The following LARGE1 variants were observed in gnomAD, a reference collection of about 807,000 sequenced individuals.
The protein encoded by LARGE1 is LARGE xylosyl- and glucuronyltransferase 1.
A neutral mutation model predicts 87.6 loss-of-function variants in LARGE1; 43 were observed. The ratio of observed to expected loss-of-function variants is 0.49; its 90% CI spans 0.38 to 0.63. The LOEUF (loss-of-function observed/expected upper bound fraction) is 0.63, where lower values mean the gene tolerates loss of function less well. Ranked by LOEUF, LARGE1 falls within the 30% of genes least tolerant of loss-of-function variation. LARGE1 has a pLI of 0.00. For missense variants in LARGE1, 802 were observed against 1,000.2 expected, an observed-to-expected ratio of 0.80 and a Z score of 2.67; for synonymous variants, 434 against 394.6, an observed-to-expected ratio of 1.10 and a Z score of -1.18.
At chr22:33,284,503 C>A (rs926304616) in intron 12 of LARGE1, among the ~76,000 whole-genome samples, 5 of 152,034 alleles carry the variant, frequency 3.3e-5, no homozygotes, top group Non-Finnish European at 5.9e-5. Flanking sequence ...TTTCTCAGCT[C>A]TGTGGTGGTT....
At chr22:33,842,249 C>T (rs903356045) in intron 1 of LARGE1, among the ~76,000 whole-genome samples, 2 of 152,058 alleles carry the variant, frequency 1.3e-5, no homozygotes, top group Admixed American at 1.3e-4. Context: ...GTTGCTCTGG[C>T]GATTCGCAAC....
In LARGE1 at chr22:33,650,359, C is replaced by T. The variant is rs141818070; in HGVS notation, c.408+8G>A. Reference sequence around the variant, plus strand: ...CAACTTCCTCCCCAGGCTCCAGATGCCCTTTACCTCGCATTTCTCCACGAC... The same window carrying T: ...CAACTTCCTCCCCAGGCTCCAGATGTCCTTTACCTCGCATTTCTCCACGAC... On this transcript the variant is annotated splice_region_variant and intron_variant, in intron 3 of 14. Transcript: ENST00000397394. 1.9e-4 allele frequency: 305 copies of T among 1,613,976 alleles called. No individual in the cohort carries two copies. The African/African-American group carries it at 3.6e-3, about 19-fold the overall frequency.
chr22:33,184,872 T>C (rs185602031), intron 11 of LARGE1, among the ~76,000 whole-genome samples: 3 of 152,282 alleles, frequency 2.0e-5, no homozygotes, highest in African/African-American at 7.2e-5. Flanking sequence ...ACTATACACC[T>C]ATTATTAAGG....
chr22:33,189,059 C>T (rs1450336587), intron 11 of LARGE1, among the ~76,000 whole-genome samples: 1 of 152,082 alleles, frequency 6.6e-6, no homozygotes, highest in African/African-American at 2.4e-5. Flanking sequence ...GCCAGAAAGA[C>T]TAGGCAATAC....
chr22:33,643,788 A>G (rs1326693374), intron 3 of LARGE1, among the ~76,000 whole-genome samples: 6 of 152,234 alleles, frequency 3.9e-5, no homozygotes, highest in Non-Finnish European at 7.3e-5. Context: ...AAACATCTCT[A>G]CACAAATAAA....
intron 12 of LARGE1, among the ~76,000 whole-genome samples, chr22:33,302,903 G>A (rs1353965235): frequency 6.6e-6 from 1 of 152,122 alleles, no homozygotes; most frequent in Non-Finnish European, 1.5e-5. Context: ...CCTGCCTCTG[G>A]GGTTCGATGT....
rs78450975 is a variant in LARGE1 at position 33,480,815 on chromosome 22, A to G, written c.788-48550T>C. The stretch of plus-strand genomic sequence containing the variant: ...AGATATATTTTGACAAAAACAGGAT[A>G]ACGGTAGAATTACTATATAACCTAC... On this transcript the variant is annotated intron_variant, in intron 6 of 14. Transcript: ENST00000397394. Among the ~76,000 whole-genome samples the G allele has an allele frequency of 3.1e-3, 477 of 152,354 alleles. 3 individuals are homozygous for G. Among genetic ancestry groups the G allele is most frequent in the South Asian group, 0.021 (100 of 4,830 alleles).
intron 6 of LARGE1, among the ~76,000 whole-genome samples, chr22:33,446,632 T>C (rs1243550482): frequency 1.3e-5 from 2 of 151,976 alleles, no homozygotes; most frequent in African/African-American, 2.4e-5. Context: ...CTGAGACAAA[T>C]AGATGGAGGA....
chr22:33,371,041 A>G (rs1447726904), intron 9 of LARGE1, among the ~76,000 whole-genome samples: 2 of 150,950 alleles, frequency 1.3e-5, no homozygotes, highest in African/African-American at 4.8e-5. Context: ...GTATATTCAT[A>G]GAACACGAAT....
At chr22:33,903,520 C>A (rs570855707) in intron 1 of LARGE1, among the ~76,000 whole-genome samples, 9 of 152,144 alleles carry the variant, frequency 5.9e-5, no homozygotes, top group African/African-American at 2.2e-4. Flanking sequence ...AGATTCTTCA[C>A]CGTGTCCTTA....
intron 6 of LARGE1, among the ~76,000 whole-genome samples, chr22:33,549,188 A>G (rs1403363744): frequency 1.3e-5 from 2 of 152,164 alleles, no homozygotes; most frequent in Non-Finnish European, 2.9e-5. Context: ...ATCCTTCCAC[A>G]TGGGCAAGCC....
At chr22:33,403,608 T>C (rs2147343195) in intron 7 of LARGE1, among the ~76,000 whole-genome samples, 1 of 152,234 alleles carries the variant, frequency 6.6e-6, no homozygotes. Flanking sequence ...CTCATTTCTT[T>C]TCTTTTTTTT....
intron 1 of LARGE1, among the ~76,000 whole-genome samples, chr22:33,899,737 T>C (rs975354214): frequency 4.6e-5 from 7 of 152,182 alleles, no homozygotes; most frequent in African/African-American, 1.4e-4. Context: ...CAAAGCAACA[T>C]CGATGACCAG....
chr22:33,143,622 G>C, the LARGE1 span, among the ~76,000 whole-genome samples: 40 of 151,682 alleles, frequency 2.6e-4, no homozygotes, highest in Admixed American at 2.4e-3. Context: ...TTTTTCATTA[G>C]AACAACTCTG....
chr22:33,371,652 G>A (rs566130785), intron 9 of LARGE1, among the ~76,000 whole-genome samples: 1 of 152,240 alleles, frequency 6.6e-6, no homozygotes, highest in South Asian at 2.1e-4. Context: ...AGTAATCTAG[G>A]TGAATTGTTA....
At chr22:33,201,808 T>C (rs976609346) in intron 11 of LARGE1, among the ~76,000 whole-genome samples, 12 of 152,188 alleles carry the variant, frequency 7.9e-5, no homozygotes, top group Non-Finnish European at 4.4e-5. Flanking sequence ...TGAAGCGTTT[T>C]GAGCAAGCAA....
chr22:33,296,671 C>T (rs751415913), intron 12 of LARGE1, among the ~76,000 whole-genome samples: 16 of 150,696 alleles, frequency 1.1e-4, no homozygotes, highest in African/African-American at 1.5e-4. Context: ...GAGGTTCAAG[C>T]GATTTTCCTG....
chr22:33,907,883 C>T (rs2065503360), intron 1 of LARGE1, among the ~76,000 whole-genome samples: 1 of 152,192 alleles, frequency 6.6e-6, no homozygotes, highest in African/African-American at 2.4e-5. Flanking sequence ...AGGCGTAAGC[C>T]ACCGTGCCCG....
chr22:33,571,713 C>T (rs1602498456), intron 5 of LARGE1, among the ~76,000 whole-genome samples: 1 of 152,114 alleles, frequency 6.6e-6, no homozygotes, highest in African/African-American at 2.4e-5. Context: ...ACTCCTCCTA[C>T]CAAGATTAAG....
Sources: gnomAD v4.1 joint callset for allele counts (sites outside exome capture counted in the v4.1 genomes callset) on GRCh38, gnomAD v4.1.1 for gene constraint, MANE v1.5 for transcripts, NCBI Gene and HGNC (gene_info 2026-07-23, HGNC 2026-07-21) for gene names.